GRM5: variants seen among roughly 807,000 people sequenced by gnomAD.
GRM5 encodes glutamate metabotropic receptor 5, also known as metabotropic glutamate receptor 5.
A neutral mutation model predicts 83.1 loss-of-function variants in GRM5; 19 were observed. That is an observed-to-expected ratio of 0.23 (90% CI 0.16 to 0.34). The LOEUF is 0.34. Ranked by LOEUF, GRM5 falls within the 10% of genes least tolerant of loss-of-function variation. The pLI is 1.00. For synonymous variants in GRM5, 675 were observed against 633.6 expected (o/e 1.07, Z -0.98); for missense variants, 1,160 against 1,588.3 (o/e 0.73, Z 4.58).
At chr11:88,680,419 AT>A (rs1353522625) in intron 3 of GRM5, among the ~76,000 whole-genome samples, 1 of 152,072 alleles carries the variant, frequency 6.6e-6, no homozygotes, top group Non-Finnish European at 1.5e-5. Context: ...TGAACTCATC[AT>A]TTTTTATGGC....
chr11:88,569,339 T>C (rs1942937149), intron 7 of GRM5, among the ~76,000 whole-genome samples: 1 of 152,192 alleles, frequency 6.6e-6, no homozygotes, highest in South Asian at 2.1e-4. Flanking sequence ...ATCTGGAGCA[T>C]TGGGCATTTG....
At chr11:88,885,485 T>C (rs1258361949) in intron 2 of GRM5, among the ~76,000 whole-genome samples, 2 of 75,760 alleles carry the variant, frequency 2.6e-5, no homozygotes, top group Admixed American at 4.0e-4. Flanking sequence ...TTTTTTTTTT[T>C]TGGTAAACCA....
intron 2 of GRM5, among the ~76,000 whole-genome samples, chr11:88,876,873 C>T (rs1021015706): frequency 1.5e-4 from 23 of 151,998 alleles, no homozygotes; most frequent in African/African-American, 5.3e-4. Context: ...CAATGGAGTA[C>T]TACTCAGCCA....
At chr11:88,854,669 T>G (rs1284093613) in intron 2 of GRM5, among the ~76,000 whole-genome samples, 1 of 151,970 alleles carries the variant, frequency 6.6e-6, no homozygotes, top group African/African-American at 2.4e-5. Flanking sequence ...TGAAAAATTA[T>G]TTATTGGGTA....
chr11:88,538,151 T>C (rs1942180207), intron 8 of GRM5, among the ~76,000 whole-genome samples: 1 of 151,802 alleles, frequency 6.6e-6, no homozygotes, highest in Admixed American at 6.6e-5. Flanking sequence ...GGAGAATAGT[T>C]TAATAAATTA....
chr11:88,987,408 T>A (rs1410912315), intron 2 of GRM5, among the ~76,000 whole-genome samples: 2 of 151,934 alleles, frequency 1.3e-5, no homozygotes, highest in Non-Finnish European at 2.9e-5. Context: ...GAGATCAAAC[T>A]GCAAGGCGGC....
intron 2 of GRM5, among the ~76,000 whole-genome samples, chr11:88,856,043 A>G (rs1410741277): frequency 6.6e-6 from 1 of 152,094 alleles, no homozygotes; most frequent in Non-Finnish European, 1.5e-5. Context: ...TTTGCAAAGA[A>G]AAGGAATAAG....
At chr11:88,813,300 G>GA in intron 3 of GRM5, among the ~76,000 whole-genome samples, 2 of 152,256 alleles carry the variant, frequency 1.3e-5, no homozygotes, top group Middle Eastern at 6.8e-3. Flanking sequence ...TGTCTGCTAA[G>GA]TGCATGAATG....
chr11:88,704,564 A>C (rs958863977), intron 3 of GRM5, among the ~76,000 whole-genome samples: 10 of 152,088 alleles, frequency 6.6e-5, no homozygotes, highest in African/African-American at 2.4e-4. Flanking sequence ...CATCTCTGAG[A>C]CTGTTCAGCC....
chr11:88,702,800 C>T (rs558457566), intron 3 of GRM5, among the ~76,000 whole-genome samples: 13 of 152,110 alleles, frequency 8.5e-5, no homozygotes, highest in African/African-American at 2.4e-4. Context: ...GAGAAATATA[C>T]ACCAGGGGCA....
At chr11:88,748,084 G>A (rs1942181248) in intron 3 of GRM5, among the ~76,000 whole-genome samples, 1 of 152,170 alleles carries the variant, frequency 6.6e-6, no homozygotes, top group Non-Finnish European at 1.5e-5. Context: ...AGCAGTAAGT[G>A]ATTGTACAAC....
At chr11:88,932,521 G>A (rs182962123) in intron 2 of GRM5, among the ~76,000 whole-genome samples, 1 of 151,798 alleles carries the variant, frequency 6.6e-6, no homozygotes, top group Non-Finnish European at 1.5e-5. Context: ...ATCCAGTTTA[G>A]TTATTATATC....
At chr11:88,673,426 C>T (rs897895893) in intron 3 of GRM5, among the ~76,000 whole-genome samples, 3 of 151,818 alleles carry the variant, frequency 2.0e-5, no homozygotes, top group Non-Finnish European at 2.9e-5. Flanking sequence ...TAGTTTTAAA[C>T]ATGTTAACTT....
rs1591308464 is a variant in GRM5 at position 88,508,512 on chromosome 11, G to A, written c.*80C>T. On this transcript the variant is annotated 3_prime_UTR_variant, in exon 10 of 10. Transcript: ENST00000305447. This position sits in a 1 kb window ranked among gnomAD's most constrained non-coding sequence, Gnocchi z 4.2. ...TCTTCCCCCTGGGCCGTAACCAGGC[G>A]ACTATGCTTGCCATTGTGTGTGTGT... 4 of 1,188,774 alleles carry A rather than the reference G, an allele frequency of 3.4e-6. No individual in the cohort carries two copies. In the South Asian group the frequency reaches 4.1e-5, roughly 12 times the overall value. The allele number at this position is 1,188,774 out of a possible 1,614,324, so 73.6% of individuals were successfully genotyped here.
chr11:88,652,860 T>C lies in GRM5; in HGVS notation c.1147+308A>G, dbSNP rs939957802. On this transcript the variant is annotated intron_variant, in intron 4 of 9. Transcript: ENST00000305447. Reference sequence around the variant, plus strand: ...AGAATGCAGTCACTGCATTCAAGGATGTCAGAAATAGTTCCATTCTGGAGC... The same window carrying C: ...AGAATGCAGTCACTGCATTCAAGGACGTCAGAAATAGTTCCATTCTGGAGC... Among the ~76,000 whole-genome samples, 3 of 152,214 alleles carry C rather than the reference T, an allele frequency of 2.0e-5. 1 individual carries two copies. In the South Asian group the frequency reaches 6.2e-4, roughly 32 times the overall value.
intron 2 of GRM5, among the ~76,000 whole-genome samples, chr11:88,920,853 C>T (rs1318897582): frequency 6.6e-6 from 1 of 152,160 alleles, no homozygotes; most frequent in Non-Finnish European, 1.5e-5. Flanking sequence ...ATACCTGCCT[C>T]ACCTCACATT....
In GRM5 at chr11:88,890,549, T is replaced by C. The variant is rs192032652; in HGVS notation, c.662-40394A>G. Among the ~76,000 whole-genome samples the C allele has an allele frequency of 3.8e-3, 575 of 152,326 alleles. 4 individuals carry two copies. Among genetic ancestry groups the C allele is most frequent in the South Asian group, 7.2e-3 (35 of 4,834 alleles). On this transcript the variant is annotated intron_variant, in intron 2 of 9. Coordinates refer to ENST00000305447, the MANE Select transcript of GRM5 (RefSeq NM_001143831.3). ...TAAATCAAATATGTTTTAGTTCATG[T>C]GACTTTAATTTTTAAGAAATAAAAA...
At chr11:88,792,089 A>G (rs1943184734) in intron 3 of GRM5, among the ~76,000 whole-genome samples, 1 of 152,142 alleles carries the variant, frequency 6.6e-6, no homozygotes, top group African/African-American at 2.4e-5. Context: ...CTCACTCTTT[A>G]GGTTATTTCA....
At chr11:88,810,625 A>G (rs1418391465) in intron 3 of GRM5, among the ~76,000 whole-genome samples, 1 of 152,068 alleles carries the variant, frequency 6.6e-6, no homozygotes, top group East Asian at 1.9e-4. Flanking sequence ...GCTCCTACAA[A>G]CATGCAGCAT....
Sources: gnomAD v4.1 joint callset for allele counts (sites outside exome capture counted in the v4.1 genomes callset) on GRCh38, gnomAD v4.1.1 for gene constraint, Gnocchi (gnomAD v3.1) non-coding constraint, MANE v1.5 for transcripts, NCBI Gene and HGNC (gene_info 2026-07-23, HGNC 2026-07-21) for gene names.